TMEM43: variants seen among roughly 807,000 people sequenced by gnomAD.
The protein encoded by TMEM43 is transmembrane protein 43.
In TMEM43, 45 loss-of-function variants were observed where a neutral mutation model predicts 49.6. The ratio of observed to expected loss-of-function variants is 0.91; its 90% CI spans 0.71 to 1.16. TMEM43 has a LOEUF of 1.16. TMEM43 is among the 50% of genes most tolerant of loss of function. The pLI is 0.00. For synonymous variants in TMEM43, 199 were observed against 207.8 expected, an observed-to-expected ratio of 0.96 and a Z score of 0.36; for missense variants, 532 against 516.6, an observed-to-expected ratio of 1.03 and a Z score of -0.29.
intron 10 of TMEM43, 139 bp downstream of exon 10, chr3:14,136,047 A>G (rs1286445768): frequency 1.2e-6 from 1 of 804,946 alleles, no homozygotes; most frequent in South Asian, 1.4e-5. Flanking sequence ...AATGTTGAGT[A>G]TGCCTCATCA....
intron 1 of TMEM43, 80 bp from the exon 2 acceptor site, chr3:14,129,332 A>T (rs935688531): frequency 1.9e-6 from 2 of 1,052,552 alleles, no homozygotes; most frequent in South Asian, 1.7e-5. Flanking sequence ...AAAAAAAAAA[A>T]AATTGAGTAT....
chr3:14,143,513 C>G lies in TMEM43; in HGVS notation c.*1718C>G, dbSNP rs1362934437. ...CCTAGATGATGACTAAATGCAAAAT[C>G]CTTGGGCTTTGGTTTTTTTCTAGTA... On this transcript the variant is annotated 3_prime_UTR_variant, in exon 12 of 12. Coordinates refer to ENST00000306077, the MANE Select transcript of TMEM43 (RefSeq NM_024334.3). 2 of 152,186 alleles carry G rather than the reference C, an allele frequency of 1.3e-5. No homozygotes were observed. Among genetic ancestry groups the G allele is most frequent in the African/African-American group, 4.8e-5 (2 of 41,444 alleles). The allele number at this position is 152,186 out of a possible 1,614,324, so 9.4% of individuals were successfully genotyped here.
chr3:14,142,152 A>G lies in TMEM43; in HGVS notation c.*357A>G. 1 of 341,870 alleles carries G rather than the reference A, an allele frequency of 2.9e-6. No individual in the cohort carries two copies. The highest frequency in any genetic ancestry group is 5.6e-6 in the Non-Finnish European group (1 of 178,152). 21.2% of individuals were successfully genotyped at this position (341,870 alleles called of 1,614,324 possible). A position where few individuals can be genotyped will look rare whatever the true frequency, so the allele number is the denominator to read the frequency against. On this transcript the variant is annotated 3_prime_UTR_variant, in exon 12 of 12. Coordinates refer to ENST00000306077, the MANE Select transcript of TMEM43 (RefSeq NM_024334.3). ...ACACGCTCTACGGAGGCCTGCTGATAAAGGGCTCAGCCTTGCCGTGTGCTG... is the reference window on the plus strand; with the variant it reads ...ACACGCTCTACGGAGGCCTGCTGATGAAGGGCTCAGCCTTGCCGTGTGCTG...
At chr3:14,125,411 C>G (rs1298537240) in intron 1 of TMEM43, among the ~76,000 whole-genome samples, 1 of 152,208 alleles carries the variant, frequency 6.6e-6, no homozygotes, top group African/African-American at 2.4e-5. Context: ...TGTCCGTGTT[C>G]CTTGGCTCGC....
chr3:14,127,419 C>G (rs1460586674), intron 1 of TMEM43, among the ~76,000 whole-genome samples: 1 of 152,208 alleles, frequency 6.6e-6, no homozygotes, highest in African/African-American at 2.4e-5. Context: ...TTTCCTATTG[C>G]TGCCTGCAGC....
chr3:14,139,226 G>A lies in TMEM43; in HGVS notation c.929G>A (p.Gly310Asp). The A allele has an allele frequency of 6.2e-7, 1 of 1,614,184 alleles. No homozygotes were observed. Among genetic ancestry groups the A allele is most frequent in the Non-Finnish European group, 8.5e-7 (1 of 1,180,030 alleles). The change falls in exon 11 of 12, where the codon GGC becomes GAC. Residue 310 changes from glycine (G) to aspartate (D), a missense_variant. Coordinates refer to ENST00000306077, the MANE Select transcript of TMEM43 (RefSeq NM_024334.3). ...AGGAGCAACTCCATGAAGACCTGGG[G>A]CCTGCGGGCAGCTGGCTGGATGGCC... ...ELRSNSMKTWGLRAAGWMAMF... is the reference protein window; with the variant it reads ...ELRSNSMKTWDLRAAGWMAMF...
intron 1 of TMEM43, among the ~76,000 whole-genome samples, chr3:14,126,536 T>A (rs1695024174): frequency 6.6e-6 from 1 of 152,194 alleles, no homozygotes; most frequent in Non-Finnish European, 1.5e-5. Flanking sequence ...GCTGTGTGGC[T>A]TTCATCTCTC....
chr3:14,142,088 AC>A lies in TMEM43; in HGVS notation c.*294del. The stretch of plus-strand genomic sequence containing the variant: ...CCTTCCTCTCTTGGACTGAGTGGGT[AC>A]GGCCAGCCACTCAGCCCATTGGCAG... On this transcript the variant is annotated 3_prime_UTR_variant, in exon 12 of 12. Transcript: ENST00000306077. 1 of 460,402 alleles carries A rather than the reference AC, an allele frequency of 2.2e-6. No individual in the cohort carries two copies. Among genetic ancestry groups the A allele is most frequent in the East Asian group, 4.2e-5 (1 of 23,718 alleles). 28.5% of individuals were successfully genotyped at this position (460,402 alleles called of 1,614,324 possible). A position where few individuals can be genotyped will look rare whatever the true frequency, so the allele number is the denominator to read the frequency against.
chr3:14,133,559 GC>G (rs1334020938), intron 6 of TMEM43, among the ~76,000 whole-genome samples, 179 bp from the exon 7 acceptor site: 1 of 152,144 alleles, frequency 6.6e-6, no homozygotes, highest in African/African-American at 2.4e-5. Flanking sequence ...AGGGTGCTCA[GC>G]CCAGGGGAGG....
chr3:14,130,663 T>G (rs947044110), intron 2 of TMEM43, among the ~76,000 whole-genome samples, 159 bp from the exon 3 acceptor site: 4 of 152,066 alleles, frequency 2.6e-5, no homozygotes, highest in Non-Finnish European at 5.9e-5. Context: ...GTTCCAGTCC[T>G]TACTCTCCAC....
intron 5 of TMEM43, 38 bp downstream of exon 5, chr3:14,132,633 T>A: frequency 2.5e-6 from 4 of 1,611,338 alleles, no homozygotes; most frequent in Non-Finnish European, 3.4e-6. Context: ...CTGCCCATGG[T>A]GGGGGCCCAC....
chr3:14,132,542 G>T lies in TMEM43; in HGVS notation c.393-4G>T, dbSNP rs1247757810. ...CCCCCGTGGCTGCTTTGCTTTCCCT[G>T]CAGGGAGTACACCGAGGATGGGCAG... is the stretch of plus-strand genomic sequence containing the variant. On this transcript the variant is annotated splice_region_variant and splice_polypyrimidine_tract_variant and intron_variant, in intron 4 of 11. Transcript: ENST00000306077. The T allele has an allele frequency of 5.0e-6, 8 of 1,614,146 alleles. No individual in the cohort carries two copies. The highest frequency in any genetic ancestry group is 1.1e-5 in the South Asian group (1 of 91,080).
At chr3:14,133,682 G>C in intron 6 of TMEM43, 57 bp from the exon 7 acceptor site, 1 of 1,552,948 alleles carries the variant, frequency 6.4e-7, no homozygotes, top group Non-Finnish European at 8.9e-7. Context: ...CAACCCAAAG[G>C]GACCCGGGCA....
At chr3:14,129,331 AAAAT>A in intron 1 of TMEM43, 77 bp from the exon 2 acceptor site, 1 of 1,084,760 alleles carries the variant, frequency 9.2e-7, no homozygotes, top group East Asian at 2.9e-5. Context: ...AAAAAAAAAA[AAAAT>A]TGAGTATAAA....
In TMEM43 at chr3:14,143,368, C is replaced by T. The variant is rs965647006; in HGVS notation, c.*1573C>T. ...AGTTTCTTCACATGAAAAACACAGC[C>T]AGCCCAAGATGACTTATCTGGGTTT... On this transcript the variant is annotated 3_prime_UTR_variant, in exon 12 of 12. Transcript: ENST00000306077. The T allele has an allele frequency of 2.5e-4, 38 of 152,310 alleles. No individual in the cohort carries two copies. Among genetic ancestry groups the T allele is most frequent in the African/African-American group, 8.7e-4 (36 of 41,564 alleles). The allele number at this position is 152,310 out of a possible 1,614,324, so 9.4% of individuals were successfully genotyped here.
intron 4 of TMEM43, among the ~76,000 whole-genome samples, chr3:14,132,124 G>A (rs887474117): frequency 1.1e-4 from 16 of 152,348 alleles, no homozygotes; most frequent in South Asian, 4.1e-4. Flanking sequence ...GTCACCTGGA[G>A]CTGGGGGTGG....
rs377207870 is a variant in TMEM43 at position 14,132,610 on chromosome 3, C to G, written c.442+15C>G. On this transcript the variant is annotated intron_variant, in intron 5 of 11. Coordinates refer to ENST00000306077, the MANE Select transcript of TMEM43 (RefSeq NM_024334.3). ...GTATTCCTACAGTGAGTGCTGGGCC[C>G]CTTACGTGGTCTCTGCCCATGGTGG... 6.2e-7 allele frequency: 1 copy of G among 1,613,830 alleles called. No homozygotes were observed. The highest frequency in any genetic ancestry group is 8.5e-7 in the Non-Finnish European group (1 of 1,179,922).
At chr3:14,136,090 A>G (rs1695166367) in intron 10 of TMEM43, 182 bp downstream of exon 10, 1 of 702,162 alleles carries the variant, frequency 1.4e-6, no homozygotes. Flanking sequence ...CAGATTCCAG[A>G]TTTTTTTGGA....
rs1464831245 is a variant in TMEM43, at chr3:14,139,168, C to T, written c.883-12C>T. 4 of 1,604,764 alleles carry T rather than the reference C, an allele frequency of 2.5e-6. No homozygotes were observed. The South Asian group carries it at 4.4e-5, about 18-fold the overall frequency. ...CCTCAGCATCCTGACCTGCCCCCACCTTGTCCTGCAGGAGGTGTTTCATAG... is the reference window on the plus strand; with the variant it reads ...CCTCAGCATCCTGACCTGCCCCCACTTTGTCCTGCAGGAGGTGTTTCATAG... On this transcript the variant is annotated splice_polypyrimidine_tract_variant and intron_variant, in intron 10 of 11. Transcript: ENST00000306077.
Sources: gnomAD v4.1 joint callset for allele counts (sites outside exome capture counted in the v4.1 genomes callset) on GRCh38, gnomAD v4.1.1 for gene constraint, MANE v1.5 for transcripts, NCBI Gene and HGNC (gene_info 2026-07-23, HGNC 2026-07-21) for gene names.